CDR2: variants seen among roughly 807,000 people sequenced by gnomAD.
CDR2 encodes the protein cerebellar degeneration related protein 2.
Under a neutral mutation model 48.4 loss-of-function variants are expected in CDR2, and 34 were observed. That is an observed-to-expected ratio of 0.70 (90% CI 0.53 to 0.94). CDR2 has a LOEUF of 0.94. Ranked by LOEUF, CDR2 falls within the 40% of genes least tolerant of loss-of-function variation. CDR2 has a pLI of 0.00. For synonymous variants in CDR2, 240 were observed against 219.7 expected, an observed-to-expected ratio of 1.09 and a Z score of -0.82; for missense variants, 498 against 549.5, an observed-to-expected ratio of 0.91 and a Z score of 0.94.
chr16:22,347,267 C>T lies in CDR2; in HGVS notation c.1063G>A (p.Ala355Thr), dbSNP rs557358613. The change falls in exon 5 of 5, where the codon GCC (alanine) becomes ACC (threonine). Residue 355 changes from alanine (A) to threonine (T), a missense_variant. Ala to Thr is a moderately conservative substitution (Grantham distance 58). Coordinates refer to ENST00000268383, the MANE Select transcript of CDR2 (RefSeq NM_001802.2). Reference protein sequence around the residue: ...LLHEVDTQYSALKVKYEELLK... With the variant: ...LLHEVDTQYSTLKVKYEELLK... ...AACTCTTCATACTTCACCTTCAGGGCGCTGTACTGCGTGTCCACTTCGTGC... is the reference window on the plus strand; with the variant it reads ...AACTCTTCATACTTCACCTTCAGGGTGCTGTACTGCGTGTCCACTTCGTGC... The T allele has an allele frequency of 1.7e-5, 27 of 1,614,242 alleles. No individual in the cohort carries two copies. Among genetic ancestry groups the T allele is most frequent in the Middle Eastern group, 1.6e-4 (1 of 6,062 alleles).
chr16:22,371,414 G>C (rs1567351192), intron 1 of CDR2, among the ~76,000 whole-genome samples: 2 of 152,330 alleles, frequency 1.3e-5, no homozygotes, highest in East Asian at 3.9e-4. Context: ...AGGCGCTGTA[G>C]TGGGCACATC....
chr16:22,362,747 G>A (rs986778473), intron 2 of CDR2, among the ~76,000 whole-genome samples: 2 of 152,196 alleles, frequency 1.3e-5, no homozygotes, highest in African/African-American at 4.8e-5. Flanking sequence ...CATTTGGCTA[G>A]TTTAATAGTT....
At chr16:22,358,046 G>C (rs2048986440) in intron 2 of CDR2, among the ~76,000 whole-genome samples, 1 of 152,178 alleles carries the variant, frequency 6.6e-6, no homozygotes, top group Admixed American at 6.5e-5. Context: ...AGAAGAGTCT[G>C]ACAAAACCAG....
In CDR2 at chr16:22,346,726, A is replaced by C; in HGVS notation, c.*239T>G. The C allele has an allele frequency of 5.8e-6, 3 of 516,324 alleles. No homozygotes were observed. The highest frequency in any genetic ancestry group is 6.9e-6 in the Non-Finnish European group (2 of 287,850). 32.0% of individuals were successfully genotyped at this position (516,324 alleles called of 1,614,324 possible). A position where few individuals can be genotyped will look rare whatever the true frequency, so the allele number is the denominator to read the frequency against. ...CCTTTTCAGGAACTGAAGTCTAATC[A>C]GCGCGCCAGCCAGAGGCCAGTTTGT... On this transcript the variant is annotated 3_prime_UTR_variant, in exon 5 of 5. Coordinates refer to ENST00000268383, the MANE Select transcript of CDR2 (RefSeq NM_001802.2).
intron 2 of CDR2, among the ~76,000 whole-genome samples, chr16:22,360,792 C>T (rs1351127802): frequency 7.0e-6 from 1 of 143,052 alleles, no homozygotes; most frequent in Non-Finnish European, 1.5e-5. Context: ...CTCTTTCGCC[C>T]AGACTGGAGT....
chr16:22,361,169 G>A (rs1033576155), intron 2 of CDR2, among the ~76,000 whole-genome samples: 4 of 152,200 alleles, frequency 2.6e-5, no homozygotes, highest in East Asian at 1.9e-4. Flanking sequence ...CTAGCTCACC[G>A]GGTGGTGACC....
intron 3 of CDR2, 108 bp downstream of exon 3, chr16:22,349,593 T>A: frequency 7.0e-7 from 1 of 1,418,540 alleles, no homozygotes; most frequent in Non-Finnish European, 9.7e-7. Flanking sequence ...AAGAATTAAA[T>A]TAAACCTTAT....
chr16:22,347,725 A>G lies in CDR2; in HGVS notation c.605T>C (p.Val202Ala), dbSNP rs758372907. 2.5e-6 allele frequency: 4 copies of G among 1,611,206 alleles called. No individual in the cohort carries two copies. In the South Asian group the frequency reaches 4.4e-5, roughly 18 times the overall value. ...EEENEHLKKT[V>A]TMLQAQLSLE... is the part of the protein sequence containing the mutation. ...GCTCAGCTGGGCCTGCAACATTGTC[A>G]CTGTTTTTTTCAAGTGCTCATTTTC... Residue 202 changes from valine (V) to alanine (A), a missense_variant, in exon 5 of 5, where the codon GTG becomes GCG. Coordinates refer to ENST00000268383, the MANE Select transcript of CDR2 (RefSeq NM_001802.2).
chr16:22,349,687 T>C lies in CDR2; in HGVS notation c.341+14A>G. On this transcript the variant is annotated intron_variant, in intron 3 of 4. Coordinates refer to ENST00000268383, the MANE Select transcript of CDR2 (RefSeq NM_001802.2). ...TCCCCCTAGTCCTTCCTTGTCAGAT[T>C]CTAGAAAATTTACCTCAGAATCTTT... The C allele has an allele frequency of 3.7e-6, 6 of 1,613,482 alleles. No individual in the cohort carries two copies. Among genetic ancestry groups the C allele is most frequent in the Non-Finnish European group, 5.1e-6 (6 of 1,179,670 alleles).
At chr16:22,352,807 T>C (rs536317135) in intron 2 of CDR2, among the ~76,000 whole-genome samples, 1 of 152,326 alleles carries the variant, frequency 6.6e-6, no homozygotes, top group East Asian at 1.9e-4. Flanking sequence ...GCACGGTCTA[T>C]AAAAGCCTGT....
chr16:22,349,195 G>T, intron 4 of CDR2, 84 bp downstream of exon 4: 2 of 1,422,648 alleles, frequency 1.4e-6, no homozygotes, highest in Non-Finnish European at 1.9e-6. Flanking sequence ...TCTTAAAATG[G>T]TACTTTCAAT....
intron 2 of CDR2, among the ~76,000 whole-genome samples, chr16:22,352,261 C>T (rs1280677133): frequency 1.3e-5 from 2 of 152,072 alleles, no homozygotes; most frequent in Non-Finnish European, 2.9e-5. Flanking sequence ...CAACACAACA[C>T]ACTCTTCTTG....
intron 2 of CDR2, among the ~76,000 whole-genome samples, chr16:22,364,248 T>C: frequency 6.6e-6 from 1 of 152,150 alleles, no homozygotes; most frequent in East Asian, 1.9e-4. Flanking sequence ...CAGCCAAAAA[T>C]GTAGCATTTT....
chr16:22,358,126 T>C lies in CDR2; in HGVS notation c.192+6776A>G, dbSNP rs138384495. 3.2e-3 allele frequency among the ~76,000 whole-genome samples: 486 copies of C among 152,324 alleles called. 2 individuals carry two copies. Among genetic ancestry groups the C allele is most frequent in the African/African-American group, 0.011 (468 of 41,568 alleles). On this transcript the variant is annotated intron_variant, in intron 2 of 4. Coordinates refer to ENST00000268383, the MANE Select transcript of CDR2 (RefSeq NM_001802.2). The stretch of plus-strand genomic sequence containing the variant: ...ATGTAAGGCCAGACATCTAGGTCTA[T>C]GGAGTCAGTGCTTCATTTTTTTTCT...
chr16:22,354,872 C>T (rs572656432), intron 2 of CDR2, among the ~76,000 whole-genome samples: 3 of 152,072 alleles, frequency 2.0e-5, no homozygotes, highest in Non-Finnish European at 4.4e-5. Flanking sequence ...CCAGCCTGGG[C>T]GACAGAGTGA....
Position 22,374,450 on chromosome 16 carries a change from C to T in CDR2, c.-141G>A. The T allele has an allele frequency of 3.0e-6, 1 of 328,956 alleles. No homozygotes were observed. The highest frequency in any genetic ancestry group is 5.6e-5 in the East Asian group (1 of 17,702). 20.4% of individuals were successfully genotyped at this position (328,956 alleles called of 1,614,324 possible). On this transcript the variant is annotated 5_prime_UTR_variant, in exon 1 of 5. Coordinates refer to ENST00000268383, the MANE Select transcript of CDR2 (RefSeq NM_001802.2). ...CCGCCGCCCAGACTCCGCTGCGCCG[C>T]CTCAGCCCCGTTCCCGCCGGCGGCC...
rs1400429604 is a variant in CDR2 at position 22,355,089 on chromosome 16, A to C, written c.193-5240T>G. Among the ~76,000 whole-genome samples, 4 of 152,152 alleles carry C rather than the reference A, an allele frequency of 2.6e-5. No individual in the cohort carries two copies. The East Asian group carries it at 7.7e-4, about 29-fold the overall frequency. On this transcript the variant is annotated intron_variant, in intron 2 of 4. Coordinates refer to ENST00000268383, the MANE Select transcript of CDR2 (RefSeq NM_001802.2). ...TTTTAAAGCTAATCCAAGGCATCTC[A>C]AGTATACATCTTCATACATTTCTAG...
intron 1 of CDR2, chr16:22,368,946 A>G (rs936148756): frequency 2.6e-5 from 4 of 152,226 alleles, no homozygotes; most frequent in Non-Finnish European, 4.4e-5. Context: ...ATGGCTCAAC[A>G]TGTTCCAGAA....
chr16:22,347,482 A>C lies in CDR2; in HGVS notation c.848T>G (p.Phe283Cys). 1 of 1,614,012 alleles carries C rather than the reference A, an allele frequency of 6.2e-7. No individual in the cohort carries two copies. The highest frequency in any genetic ancestry group is 1.1e-5 in the South Asian group (1 of 91,074). The change falls in exon 5 of 5, where the codon TTC becomes TGC. Residue 283 changes from phenylalanine to cysteine, a missense_variant. Coordinates refer to ENST00000268383, the MANE Select transcript of CDR2 (RefSeq NM_001802.2). ...KLVPDSLYVP[F>C]KEPSQSLLEE... ...CAGCAGGCTCTGGCTGGGCTCTTTG[A>C]AAGGAACATACAGAGAGTCTGGCAC...
Sources: gnomAD v4.1 joint callset for allele counts (sites outside exome capture counted in the v4.1 genomes callset) on GRCh38, gnomAD v4.1.1 for gene constraint, MANE v1.5 for transcripts, NCBI Gene and HGNC (gene_info 2026-07-23, HGNC 2026-07-21) for gene names.